The following DDX54 variants were observed in gnomAD, a reference collection of about 807,000 sequenced individuals.
DDX54 encodes ATP-dependent RNA helicase DDX54.
In DDX54, 67 loss-of-function variants were observed where a neutral mutation model predicts 105.5. The observed-to-expected ratio is 0.64, with a 90% confidence interval of 0.52 to 0.78. The LOEUF (loss-of-function observed/expected upper bound fraction) is 0.78. Among genes scored for constraint, DDX54 ranks in the 30% least tolerant of loss-of-function variants. The pLI, the probability that DDX54 is intolerant of heterozygous loss-of-function variation, is 0.00. For missense variants in DDX54, 1,206 were observed against 1,230.5 expected, an observed-to-expected ratio of 0.98 and a Z score of 0.30; for synonymous variants, 514 against 509.9, an observed-to-expected ratio of 1.01 and a Z score of -0.11.
At position 113,185,428 on chromosome 12, in the gene DDX54, C is replaced by A. The variant is rs1032647818; in HGVS notation, c.24G>T (p.Ala8=). The change falls in exon 1 of 20, where the codon GCG becomes GCT. Residue 8 remains alanine, a synonymous_variant. Coordinates refer to ENST00000306014, the MANE Select transcript of DDX54 (RefSeq NM_024072.4). ...TGGCAGCTCGCGACCGAGGTCCAGC[C>A]GCCGGGCCCTTGTCGGCCGCCATTC... MAADKGP[A]AGPRSRAAMA... 2.6e-6 allele frequency: 4 copies of A among 1,520,750 alleles called. No individual in the cohort carries two copies. 94.2% of individuals were successfully genotyped at this position (1,520,750 alleles called of 1,614,324 possible). A position where few individuals can be genotyped will look rare whatever the true frequency, so the allele number is the denominator to read the frequency against.
intron 1 of DDX54, among the ~76,000 whole-genome samples, chr12:113,183,145 C>T (rs1455249880): frequency 2.6e-5 from 4 of 152,352 alleles, no homozygotes; most frequent in Admixed American, 2.6e-4. Flanking sequence ...CGGGCATGAG[C>T]CACGGCACCG....
At chr12:113,165,601 A>G in intron 14 of DDX54, 43 bp downstream of exon 14, 1 of 1,545,192 alleles carries the variant, frequency 6.5e-7, no homozygotes, top group Non-Finnish European at 8.8e-7. Flanking sequence ...TGGGCTCCAC[A>G]GAGCCAGGAC....
intron 18 of DDX54, 79 bp from the exon 19 acceptor site, chr12:113,161,461 G>C: frequency 1.7e-6 from 2 of 1,168,180 alleles, no homozygotes; most frequent in South Asian, 2.8e-5. Context: ...CCAGCAGACA[G>C]AGTTCCGTTA....
Position 113,158,476 on chromosome 12 carries a change from G to A in DDX54, c.*401C>T, listed in dbSNP as rs1241337893. ...TCCATTCCAGTTCCCCAAGTAGACC[G>A]CACTCCTGGCCACCAGCAGTGCTCA... is the stretch of plus-strand genomic sequence containing the variant. On this transcript the variant is annotated 3_prime_UTR_variant, in exon 20 of 20. Coordinates refer to ENST00000306014, the MANE Select transcript of DDX54 (RefSeq NM_024072.4). The surrounding 1 kb of genome is among the most constrained non-coding windows in gnomAD (Gnocchi z 4.9). 6.0e-5 allele frequency: 10 copies of A among 165,930 alleles called. No homozygotes were observed. The highest frequency in any genetic ancestry group is 9.0e-5 in the Non-Finnish European group (7 of 77,848). The allele number at this position is 165,930 out of a possible 1,614,324, so 10.3% of individuals were successfully genotyped here.
chr12:113,183,677 G>A (rs1002321820), intron 1 of DDX54: 3 of 152,244 alleles, frequency 2.0e-5, no homozygotes, highest in Non-Finnish European at 4.4e-5. Flanking sequence ...CACAGGCCTT[G>A]GAATCAGACA....
intron 5 of DDX54, among the ~76,000 whole-genome samples, chr12:113,177,656 AAG>A (rs1439808267): frequency 6.6e-6 from 1 of 152,146 alleles, no homozygotes; most frequent in Non-Finnish European, 1.5e-5. Context: ...TCCGAGAATC[AAG>A]AGTGTTAATA....
At chr12:113,178,193 C>G (rs941946497) in intron 5 of DDX54, among the ~76,000 whole-genome samples, 12 of 152,166 alleles carry the variant, frequency 7.9e-5, no homozygotes, top group African/African-American at 2.9e-4. Flanking sequence ...GCTGTGATTG[C>G]GCCACTGTAC....
At chr12:113,164,361 C>T (rs1952248792) in intron 14 of DDX54, 76 bp from the exon 15 acceptor site, 1 of 1,463,934 alleles carries the variant, frequency 6.8e-7, no homozygotes. Context: ...GGTGGGCTTC[C>T]TATGGGCGTT....
At position 113,164,407 on chromosome 12, in the gene DDX54, C is replaced by T. The variant is rs1028921241; in HGVS notation, c.1720-122G>A. 4.0e-6 allele frequency: 5 copies of T among 1,239,608 alleles called. No individual in the cohort carries two copies. The South Asian group carries it at 6.2e-5, about 15-fold the overall frequency. 76.8% of individuals were successfully genotyped at this position (1,239,608 alleles called of 1,614,324 possible). On this transcript the variant is annotated intron_variant, in intron 14 of 19. Coordinates refer to ENST00000306014, the MANE Select transcript of DDX54 (RefSeq NM_024072.4). ...TCTTCCCCAGTGTCCATTATCTGCA[C>T]TTCACAATTAGATAGACAGACCCAG...
chr12:113,181,110 AG>A (rs752597567), intron 1 of DDX54, 52 bp from the exon 2 acceptor site: 36 of 1,578,902 alleles, frequency 2.3e-5, no homozygotes, highest in Non-Finnish European at 2.8e-5. Flanking sequence ...GTGGGACCAC[AG>A]GGGGCAGGGA....
intron 1 of DDX54, chr12:113,183,694 A>G (rs1035272657): frequency 6.6e-6 from 1 of 152,262 alleles, no homozygotes; most frequent in African/African-American, 2.4e-5. Flanking sequence ...GACAGTCTCA[A>G]GTTTGAATCT....
At chr12:113,161,473 C>A in intron 18 of DDX54, 91 bp from the exon 19 acceptor site, 1 of 1,044,862 alleles carries the variant, frequency 9.6e-7, no homozygotes, top group Non-Finnish European at 1.4e-6. Context: ...GTTCCGTTAT[C>A]CCAGCCGCAG....
intron 18 of DDX54, among the ~76,000 whole-genome samples, chr12:113,161,655 T>C (rs956526822): frequency 7.0e-6 from 1 of 142,062 alleles, no homozygotes; most frequent in African/African-American, 2.7e-5. Flanking sequence ...ATGCTGCTGC[T>C]GAAGCTGCTG....
In DDX54 at chr12:113,179,203, G is replaced by A. The variant is rs745408439; in HGVS notation, c.504C>T (p.Arg168=). The part of the protein sequence containing the change: ...LKTHSAQTGA[R]ALILSPTREL... Reference sequence around the variant, plus strand: ...CTCGGGTCGGCGAGAGGATGAGGGCGCGGGCCCCGGTCTGGGCACTGTGGG... The same window carrying A: ...CTCGGGTCGGCGAGAGGATGAGGGCACGGGCCCCGGTCTGGGCACTGTGGG... Residue 168 remains arginine, a synonymous_variant, in exon 4 of 20, where the codon CGC becomes CGT. Transcript: ENST00000306014. The A allele has an allele frequency of 1.7e-5, 27 of 1,613,984 alleles. No homozygotes were observed. In the Middle Eastern group the frequency reaches 4.9e-4, roughly 29 times the overall value.
At chr12:113,162,855 C>T (rs2136314227) in intron 17 of DDX54, 77 bp downstream of exon 17, 8 of 1,412,744 alleles carry the variant, frequency 5.7e-6, no homozygotes, top group Non-Finnish European at 7.6e-6. Context: ...CACTCGATCA[C>T]TCACCCCAGG....
chr12:113,161,698 G>A (rs946695489), intron 18 of DDX54, among the ~76,000 whole-genome samples, 195 bp downstream of exon 18: 15 of 146,236 alleles, frequency 1.0e-4, no homozygotes, highest in African/African-American at 3.3e-4. Flanking sequence ...CCACTAGTTC[G>A]AGATGCTGCT....
At chr12:113,184,274 G>A (rs550928445) in intron 1 of DDX54, among the ~76,000 whole-genome samples, 1 of 151,968 alleles carries the variant, frequency 6.6e-6, no homozygotes, top group East Asian at 1.9e-4. Flanking sequence ...TAGAGACGGG[G>A]TCTGCCTATG....
chr12:113,172,513 G>C lies in DDX54; in HGVS notation c.1119C>G (p.Asp373Glu). ...CGAGATTGATCTTGCGGGCTGTCGG[G>C]TCTAGGGCACTGTAGATGTGGGCGC... ...VSCAHIYSAL[D>E]PTARKINLAK... is the part of the protein sequence containing the mutation. Residue 373 changes from aspartate to glutamate, a missense_variant, in exon 11 of 20, where the codon GAC (aspartate) becomes GAG (glutamate). Around this residue, in one of 3 missense-constraint regions of DDX54, gnomAD observed 961 missense variants for 1,019.1 expected, o/e 0.94. Coordinates refer to ENST00000306014, the MANE Select transcript of DDX54 (RefSeq NM_024072.4). 3 of 1,614,272 alleles carry C rather than the reference G, an allele frequency of 1.9e-6. No homozygotes were observed. Among genetic ancestry groups the C allele is most frequent in the Non-Finnish European group, 2.5e-6 (3 of 1,180,052 alleles).
intron 11 of DDX54, among the ~76,000 whole-genome samples, chr12:113,170,503 A>G (rs1952324270): frequency 6.6e-6 from 1 of 152,134 alleles, no homozygotes; most frequent in Non-Finnish European, 1.5e-5. Context: ...GCCAGATGTG[A>G]TGGTGTGTGC....
Sources: gnomAD v4.1 joint callset for allele counts (sites outside exome capture counted in the v4.1 genomes callset) on GRCh38, gnomAD v4.1.1 for gene constraint, gnomAD v4.1.1 regional missense constraint, Gnocchi (gnomAD v3.1) non-coding constraint, MANE v1.5 for transcripts, NCBI Gene and HGNC (gene_info 2026-07-23, HGNC 2026-07-21) for gene names.